Variants in MICU1 observed in about 807,000 individuals in gnomAD.
MICU1 encodes the protein calcium uptake protein 1, mitochondrial.
A neutral mutation model predicts 56.8 loss-of-function variants in MICU1; 45 were observed. The observed-to-expected ratio is 0.79, with a 90% CI of 0.62 to 1.02. The LOEUF (loss-of-function observed/expected upper bound fraction) is 1.02. Among genes scored for constraint, MICU1 ranks in the 50% least tolerant of loss-of-function variants. The pLI is 0.00. For synonymous variants in MICU1, 186 were observed against 195.1 expected, an observed-to-expected ratio of 0.95 and a Z score of 0.39; for missense variants, 504 against 587.1, an observed-to-expected ratio of 0.86 and a Z score of 1.46.
chr10:72,602,095 G>A (rs1841553704), intron 1 of MICU1, among the ~76,000 whole-genome samples: 1 of 151,764 alleles, frequency 6.6e-6, no homozygotes, highest in South Asian at 2.1e-4. Context: ...ACCATGCCTG[G>A]AGTAATATTT....
chr10:72,471,379 C>A (rs922228335), intron 8 of MICU1, among the ~76,000 whole-genome samples: 1 of 152,186 alleles, frequency 6.6e-6, no homozygotes, highest in Non-Finnish European at 1.5e-5. Context: ...CCACCATGCC[C>A]GGCCTTCTAC....
At position 72,427,147 on chromosome 10, in the gene MICU1, C is replaced by T. The variant is rs140029994; in HGVS notation, c.934-3776G>A. On this transcript the variant is annotated intron_variant, in intron 8 of 11. Coordinates refer to ENST00000361114, the MANE Select transcript of MICU1 (RefSeq NM_001195518.2). ...GTCTAGGAAGAGAGCTTAACAGCCT[C>T]ACATTTCCCCTTCTGCAGCCATTGC... Among the ~76,000 whole-genome samples, 135 of 152,340 alleles carry T rather than the reference C, an allele frequency of 8.9e-4. No homozygotes were observed. The East Asian group carries it at 9.1e-3, about 10-fold the overall frequency.
At chr10:72,504,952 CTAT>C (rs892303726) in intron 6 of MICU1, among the ~76,000 whole-genome samples, 15 of 150,110 alleles carry the variant, frequency 1.0e-4, no homozygotes, top group Non-Finnish European at 8.8e-5. Flanking sequence ...GTCAGAATGG[CTAT>C]TATTATCATT....
chr10:72,372,903 G>GA (rs1322348152), intron 11 of MICU1, among the ~76,000 whole-genome samples: 1 of 141,562 alleles, frequency 7.1e-6, no homozygotes, highest in Non-Finnish European at 1.5e-5. Context: ...TGGGCAACAA[G>GA]AGTGAGCCTC....
intron 4 of MICU1, among the ~76,000 whole-genome samples, chr10:72,543,600 A>G (rs1457988135): frequency 6.6e-6 from 1 of 152,196 alleles, no homozygotes; most frequent in Non-Finnish European, 1.5e-5. Context: ...TCACGCCTGT[A>G]ATCCCAGTCC....
At chr10:72,454,653 T>C (rs992876999) in intron 8 of MICU1, among the ~76,000 whole-genome samples, 9 of 150,546 alleles carry the variant, frequency 6.0e-5, no homozygotes, top group African/African-American at 2.2e-4. Context: ...CGTGGTGGTG[T>C]GCCCCTGTAG....
intron 1 of MICU1, among the ~76,000 whole-genome samples, chr10:72,593,523 A>C (rs1485529275): frequency 4.1e-5 from 1 of 24,512 alleles, no homozygotes; most frequent in African/African-American, 1.9e-4. Flanking sequence ...CTCTGTCTCC[A>C]AAAAAAAAAA....
At chr10:72,540,955 C>T (rs1482284876) in intron 4 of MICU1, among the ~76,000 whole-genome samples, 1 of 152,234 alleles carries the variant, frequency 6.6e-6, no homozygotes, top group Admixed American at 6.5e-5. Context: ...AATCTGCTGA[C>T]AAACTTTCAG....
intron 8 of MICU1, among the ~76,000 whole-genome samples, chr10:72,470,499 T>C (rs2132258040): frequency 6.6e-6 from 1 of 152,216 alleles, no homozygotes; most frequent in South Asian, 2.1e-4. Context: ...TCATGGTGGA[T>C]GGGCAAGCAA....
intron 1 of MICU1, among the ~76,000 whole-genome samples, chr10:72,609,340 T>C (rs1399027766): frequency 1.3e-5 from 2 of 152,216 alleles, no homozygotes; most frequent in African/African-American, 4.8e-5. Context: ...CAATGAAGTA[T>C]ACATTAAAAA....
chr10:72,625,826 T>C (rs746578060), intron 1 of MICU1, among the ~76,000 whole-genome samples, 184 bp downstream of exon 1: 62 of 152,118 alleles, frequency 4.1e-4, no homozygotes, highest in Admixed American at 1.0e-3. Context: ...CGGACTCCTC[T>C]CCAAAAGCTG....
chr10:72,618,476 A>G (rs1182488293), intron 1 of MICU1, among the ~76,000 whole-genome samples: 1 of 151,458 alleles, frequency 6.6e-6, no homozygotes, highest in Non-Finnish European at 1.5e-5. Context: ...GATAATATCA[A>G]TGCTTAAATT....
intron 8 of MICU1, among the ~76,000 whole-genome samples, chr10:72,424,645 G>A (rs1325632029): frequency 6.6e-6 from 1 of 152,058 alleles, no homozygotes; most frequent in Non-Finnish European, 1.5e-5. Flanking sequence ...AGCCTACAGA[G>A]CAGCTACTAT....
chr10:72,613,269 ATTTTTT>A (rs34740619), intron 1 of MICU1, among the ~76,000 whole-genome samples: 2 of 129,370 alleles, frequency 1.5e-5, no homozygotes, highest in Non-Finnish European at 3.2e-5. Context: ...TTTACCCCTA[ATTTTTT>A]TTTTTTTTTT....
chr10:72,591,848 C>A, intron 1 of MICU1, among the ~76,000 whole-genome samples: 1 of 151,824 alleles, frequency 6.6e-6, no homozygotes, highest in Non-Finnish European at 1.5e-5. Flanking sequence ...CCCATCTCTA[C>A]CAAAAATACA....
At chr10:72,463,897 C>T (rs1228183604) in intron 8 of MICU1, among the ~76,000 whole-genome samples, 1 of 152,176 alleles carries the variant, frequency 6.6e-6, no homozygotes, top group African/African-American at 2.4e-5. Flanking sequence ...ACAGATGTAC[C>T]ATTTTTTAAA....
intron 8 of MICU1, among the ~76,000 whole-genome samples, chr10:72,474,322 T>C (rs1866046242): frequency 7.5e-6 from 1 of 133,914 alleles, no homozygotes; most frequent in Non-Finnish European, 1.6e-5. Flanking sequence ...AACACCAGTG[T>C]AAGAGAATTT....
intron 1 of MICU1, among the ~76,000 whole-genome samples, chr10:72,586,291 T>C (rs915746404): frequency 6.6e-6 from 1 of 152,046 alleles, no homozygotes; most frequent in African/African-American, 2.4e-5. Flanking sequence ...GAATTACGGT[T>C]GTGAGCCACC....
chr10:72,482,869 AT>A (rs1379785538), intron 6 of MICU1, among the ~76,000 whole-genome samples: 3 of 148,616 alleles, frequency 2.0e-5, no homozygotes, highest in African/African-American at 7.4e-5. Flanking sequence ...ATTTTATTTT[AT>A]TTTTTTACAG....
Sources: allele counts gnomAD v4.1 joint callset (sites outside exome capture counted in the v4.1 genomes callset), GRCh38; gene constraint gnomAD v4.1.1; transcripts MANE v1.5; gene names NCBI Gene and HGNC (gene_info 2026-07-23, HGNC 2026-07-21).